Variants in BFAR observed in about 807,000 individuals in gnomAD.
BFAR encodes bifunctional apoptosis regulator, also known as RING finger protein 47.
Under a neutral mutation model 54.4 loss-of-function variants are expected in BFAR, and 52 were observed. The ratio of observed to expected loss-of-function variants is 0.96; its 90% CI spans 0.77 to 1.21. The LOEUF is 1.21. Among genes scored for constraint, BFAR ranks in the 50% most tolerant of loss-of-function variants. BFAR has a pLI of 0.00. For synonymous variants in BFAR, 215 were observed against 204.3 expected, an observed-to-expected ratio of 1.05 and a Z score of -0.45; for missense variants, 571 against 534.0, an observed-to-expected ratio of 1.07 and a Z score of -0.68.
At chr16:14,657,284 T>A (rs569653210) in intron 5 of BFAR, among the ~76,000 whole-genome samples, 1 of 151,954 alleles carries the variant, frequency 6.6e-6, no homozygotes, top group South Asian at 2.1e-4. Flanking sequence ...TGTCTCGCTC[T>A]GTCGCCCAGG....
chr16:14,639,109 G>C (rs1959543637), intron 1 of BFAR, among the ~76,000 whole-genome samples: 2 of 152,096 alleles, frequency 1.3e-5, no homozygotes. Flanking sequence ...CCTCTGGATA[G>C]ATCCATAGAT....
At chr16:14,658,295 G>T (rs1413183714) in intron 5 of BFAR, among the ~76,000 whole-genome samples, 3 of 152,062 alleles carry the variant, frequency 2.0e-5, no homozygotes, top group Non-Finnish European at 4.4e-5. Context: ...AGGAAGGGTG[G>T]TCACCCCACC....
intron 1 of BFAR, among the ~76,000 whole-genome samples, chr16:14,633,883 C>A (rs1182128328): frequency 6.6e-6 from 1 of 152,184 alleles, no homozygotes; most frequent in African/African-American, 2.4e-5. Flanking sequence ...GAACTCCTGG[C>A]CTCAAGTGAC....
At position 14,639,887 on chromosome 16, in the gene BFAR, A is replaced by G. The variant is rs540092284; in HGVS notation, c.-73-4387A>G. On this transcript the variant is annotated intron_variant, in intron 1 of 7. Coordinates refer to ENST00000261658, the MANE Select transcript of BFAR (RefSeq NM_016561.3). Reference sequence around the variant, plus strand: ...AGAGAGGAAAGCTCTGGTCAGGCACAGTGACTCAAACCTGTAACCCCAGCA... The same window carrying G: ...AGAGAGGAAAGCTCTGGTCAGGCACGGTGACTCAAACCTGTAACCCCAGCA... 2.6e-5 allele frequency among the ~76,000 whole-genome samples: 4 copies of G among 152,298 alleles called. No individual in the cohort carries two copies. In the East Asian group the frequency reaches 7.7e-4, roughly 29 times the overall value.
At chr16:14,642,299 A>G (rs942871711) in intron 1 of BFAR, among the ~76,000 whole-genome samples, 2 of 152,184 alleles carry the variant, frequency 1.3e-5, no homozygotes, top group African/African-American at 4.8e-5. Context: ...TAATCCTCAC[A>G]AGAAATCTTG....
chr16:14,656,508 C>A (rs1211774932), intron 5 of BFAR, among the ~76,000 whole-genome samples: 1 of 150,334 alleles, frequency 6.7e-6, no homozygotes, highest in Non-Finnish European at 1.5e-5. Context: ...AAAAAAAAGG[C>A]CCTGGCACTA....
intron 2 of BFAR, among the ~76,000 whole-genome samples, chr16:14,647,023 T>C (rs1219773031): frequency 1.3e-5 from 2 of 151,788 alleles, no homozygotes; most frequent in Non-Finnish European, 1.5e-5. Context: ...GTGAACCTCC[T>C]GCCTCAGCAT....
At chr16:14,640,741 G>A (rs115010511) in intron 1 of BFAR, among the ~76,000 whole-genome samples, 126 of 152,268 alleles carry the variant, frequency 8.3e-4, no homozygotes, top group African/African-American at 2.7e-3. Context: ...GAAGTGTGTC[G>A]CACATTAACA....
In BFAR at chr16:14,633,933, G is replaced by T. The variant is rs182135129; in HGVS notation, c.-74+915G>T. On this transcript the variant is annotated intron_variant, in intron 1 of 7. Coordinates refer to ENST00000261658, the MANE Select transcript of BFAR (RefSeq NM_016561.3). The stretch of plus-strand genomic sequence containing the variant: ...CTCCCAAAGTGGGGAGATTACAGGC[G>T]TGAGCCACCGCGCCCGGCCGAGAAT... 2.7e-3 allele frequency among the ~76,000 whole-genome samples: 406 copies of T among 152,346 alleles called. 1 individual carries two copies. The highest frequency in any genetic ancestry group is 7.5e-3 in the Admixed American group (114 of 15,300).
chr16:14,655,404 C>G (rs1960102611), intron 5 of BFAR, among the ~76,000 whole-genome samples, 194 bp downstream of exon 5: 1 of 151,570 alleles, frequency 6.6e-6, no homozygotes, highest in Admixed American at 6.6e-5. Flanking sequence ...TCAGTGCAAC[C>G]TCTGCCTCCC....
intron 6 of BFAR, among the ~76,000 whole-genome samples, chr16:14,662,576 G>C (rs1005852989): frequency 6.6e-6 from 1 of 152,154 alleles, no homozygotes; most frequent in East Asian, 1.9e-4. Context: ...CTGGAGTACA[G>C]TGGCACAATC....
At chr16:14,665,822 C>T (rs1960425985) in intron 7 of BFAR, among the ~76,000 whole-genome samples, 1 of 152,168 alleles carries the variant, frequency 6.6e-6, no homozygotes, top group African/African-American at 2.4e-5. Context: ...TTGGCCTCCA[C>T]AGGGTGCTTT....
chr16:14,644,449 C>T lies in BFAR; in HGVS notation c.103C>T (p.His35Tyr). ...GATTTCTGTTAGTGAATTTTCTTGC[C>T]ACTGCTGCTACGACATCCTGGTTAA... ...PQISVSEFSC[H>Y]CCYDILVNPT... Residue 35 changes from histidine (H) to tyrosine (Y), a missense_variant, in exon 2 of 8, where the codon CAC (histidine) becomes TAC (tyrosine). By Grantham distance (83) the His-to-Tyr change is moderately conservative. Coordinates refer to ENST00000261658, the MANE Select transcript of BFAR (RefSeq NM_016561.3). The T allele has an allele frequency of 6.2e-7, 1 of 1,614,020 alleles. No homozygotes were observed. Among genetic ancestry groups the T allele is most frequent in the Non-Finnish European group, 8.5e-7 (1 of 1,180,002 alleles).
At chr16:14,653,776 T>G (rs1199405632) in intron 4 of BFAR, among the ~76,000 whole-genome samples, 1 of 152,142 alleles carries the variant, frequency 6.6e-6, no homozygotes. Flanking sequence ...AGCAGTATCA[T>G]AGCTCACTAC....
intron 1 of BFAR, among the ~76,000 whole-genome samples, chr16:14,643,184 G>A (rs1416578104): frequency 2.6e-5 from 4 of 152,014 alleles, no homozygotes; most frequent in Non-Finnish European, 4.4e-5. Context: ...CCAATGGCAC[G>A]CACCTGTAAT....
chr16:14,652,929 T>A (rs994413063), intron 4 of BFAR, among the ~76,000 whole-genome samples: 2 of 152,154 alleles, frequency 1.3e-5, no homozygotes, highest in African/African-American at 4.8e-5. Flanking sequence ...CCACCCCTCC[T>A]ACTCCAGTGA....
chr16:14,650,417 G>A (rs956602778), intron 4 of BFAR: 1 of 153,010 alleles, frequency 6.5e-6, no homozygotes, highest in African/African-American at 2.4e-5. Flanking sequence ...CACAAATAGT[G>A]TGATTATCAC....
intron 7 of BFAR, chr16:14,667,346 G>C: frequency 2.4e-6 from 1 of 416,580 alleles, no homozygotes; most frequent in South Asian, 6.6e-5. Context: ...TGTCTCAAAA[G>C]GAAAAAAAAA....
intron 5 of BFAR, among the ~76,000 whole-genome samples, chr16:14,659,190 T>C (rs1960214074): frequency 6.6e-6 from 1 of 151,698 alleles, no homozygotes; most frequent in African/African-American, 2.4e-5. Context: ...ATTATAGGCG[T>C]GAGCCACCAT....
Sources: gnomAD v4.1 joint callset for allele counts (sites outside exome capture counted in the v4.1 genomes callset) on GRCh38, gnomAD v4.1.1 for gene constraint, MANE v1.5 for transcripts, NCBI Gene and HGNC (gene_info 2026-07-23, HGNC 2026-07-21) for gene names.